Variants in DIAPH3 observed in about 807,000 individuals in gnomAD.
DIAPH3 encodes diaphanous related formin 3, also known as protein diaphanous homolog 3.
Under a neutral mutation model 144.3 loss-of-function variants are expected in DIAPH3, and 117 were observed. The ratio of observed to expected loss-of-function variants is 0.81; its 90% CI spans 0.70 to 0.95. The LOEUF is 0.95. Among genes scored for constraint, DIAPH3 ranks in the 40% least tolerant of loss-of-function variants. The pLI, the probability that DIAPH3 is intolerant of heterozygous loss-of-function variation, is 0.00. For synonymous variants in DIAPH3, 519 were observed against 488.9 expected (o/e 1.06, Z -0.81); for missense variants, 1,421 against 1,412.7 (o/e 1.01, Z -0.09).
At chr13:60,152,227 T>C (rs1951820711) in intron 1 of DIAPH3, among the ~76,000 whole-genome samples, 1 of 152,102 alleles carries the variant, frequency 6.6e-6, no homozygotes, top group South Asian at 2.1e-4. Context: ...TTCAAGAAAT[T>C]CTACACCATA....
intron 3 of DIAPH3, among the ~76,000 whole-genome samples, chr13:60,111,239 A>G (rs2058559484): frequency 6.6e-6 from 1 of 152,206 alleles, no homozygotes; most frequent in Non-Finnish European, 1.5e-5. Flanking sequence ...GGCTAACCAG[A>G]AAAAGGTTAG....
chr13:59,797,132 A>G lies in DIAPH3; in HGVS notation c.3163+13656T>C, dbSNP rs563830004. ...TGTCAATAGTTTTAGTAAATGAAAA[A>G]AAAACACCCTATGTAAAATGTCACT... On this transcript the variant is annotated intron_variant, in intron 25 of 27. Transcript: ENST00000400324. Among the ~76,000 whole-genome samples, 8 of 152,320 alleles carry G rather than the reference A, an allele frequency of 5.3e-5. No homozygotes were observed. The East Asian group carries it at 1.3e-3, about 26-fold the overall frequency.
intron 9 of DIAPH3, among the ~76,000 whole-genome samples, chr13:59,993,443 A>T (rs2051970543): frequency 1.3e-5 from 2 of 151,736 alleles, no homozygotes; most frequent in African/African-American, 4.8e-5. Context: ...CTACTGATCA[A>T]TATGTTTAAC....
chr13:59,841,432 T>TA lies in DIAPH3; in HGVS notation c.2738-1985dup, dbSNP rs907860165. On this transcript the variant is annotated intron_variant, in intron 22 of 27. Transcript: ENST00000400324. ...AACAAGACTCTGTGCCTCCAAAAATTAAAAAAAAAAAATTAGCCAGCCATG... is the reference window on the plus strand; with the variant it reads ...AACAAGACTCTGTGCCTCCAAAAATTAAAAAAAAAAAAATTAGCCAGCCATG... Among the ~76,000 whole-genome samples the TA allele has an allele frequency of 9.4e-4, 137 of 145,268 alleles. No individual in the cohort carries two copies. In the Middle Eastern group the frequency reaches 0.018, roughly 19 times the overall value.
chr13:60,163,464 A>T, intron 1 of DIAPH3, 123 bp downstream of exon 1: 3 of 1,336,284 alleles, frequency 2.2e-6, no homozygotes, highest in African/African-American at 1.5e-5. Flanking sequence ...TCAATCTATG[A>T]TCTTTGGCAC....
intron 21 of DIAPH3, among the ~76,000 whole-genome samples, chr13:59,866,647 T>C (rs2043942209): frequency 6.6e-6 from 1 of 152,220 alleles, no homozygotes; most frequent in East Asian, 1.9e-4. Flanking sequence ...AGCAACTCTT[T>C]ATATATTTCT....
At chr13:59,797,816 A>C (rs918093772) in intron 25 of DIAPH3, among the ~76,000 whole-genome samples, 1 of 152,144 alleles carries the variant, frequency 6.6e-6, no homozygotes, top group Non-Finnish European at 1.5e-5. Flanking sequence ...TGAGCTAAAC[A>C]TGGTTTATTT....
intron 27 of DIAPH3, among the ~76,000 whole-genome samples, chr13:59,668,844 T>TACAC (rs10640305): frequency 0.095 from 14,059 of 148,270 alleles, 821 homozygotes; most frequent in African/African-American, 0.17. Flanking sequence ...TATGTATGTA[T>TACAC]ACACACACAC....
chr13:59,813,299 G>T (rs190401077), intron 24 of DIAPH3, among the ~76,000 whole-genome samples: 1 of 151,732 alleles, frequency 6.6e-6, no homozygotes, highest in African/African-American at 2.4e-5. Context: ...ATATATAAAC[G>T]CTAGTTATTA....
At chr13:60,033,059 C>A (rs1401532144) in intron 5 of DIAPH3, among the ~76,000 whole-genome samples, 1 of 152,172 alleles carries the variant, frequency 6.6e-6, no homozygotes, top group Non-Finnish European at 1.5e-5. Context: ...AAAATGCAGC[C>A]AAATTCTTTG....
At chr13:59,762,050 A>ACCTTTTTTTTTTTTTTTTTTTTTTTT (rs1389648314) in intron 27 of DIAPH3, among the ~76,000 whole-genome samples, 4 of 119,006 alleles carry the variant, frequency 3.4e-5, no homozygotes, top group Middle Eastern at 4.6e-3. Flanking sequence ...AAGCGTCAGC[A>ACCTTTTTTTTTTTTTTTTTTTTTTTT]TCTTTTTTTT....
intron 25 of DIAPH3, among the ~76,000 whole-genome samples, chr13:59,781,365 G>A (rs753704325): frequency 3.3e-5 from 5 of 152,190 alleles, no homozygotes; most frequent in South Asian, 2.1e-4. Context: ...ACATGCAAGT[G>A]TCTATACATG....
At chr13:60,111,244 G>A (rs1436963201) in intron 3 of DIAPH3, among the ~76,000 whole-genome samples, 1 of 152,114 alleles carries the variant, frequency 6.6e-6, no homozygotes, top group Non-Finnish European at 1.5e-5. Context: ...ACCAGAAAAA[G>A]GTTAGGCATC....
chr13:59,908,726 G>T (rs1307249219), intron 20 of DIAPH3, among the ~76,000 whole-genome samples: 5 of 152,042 alleles, frequency 3.3e-5, no homozygotes, highest in African/African-American at 1.2e-4. Context: ...CTGGATAAAA[G>T]AAAACTTAAA....
At chr13:59,961,391 T>C (rs2049747465) in intron 17 of DIAPH3, among the ~76,000 whole-genome samples, 1 of 152,164 alleles carries the variant, frequency 6.6e-6, no homozygotes, top group South Asian at 2.1e-4. Flanking sequence ...GTCACACACT[T>C]GTAGGGTGGA....
At chr13:59,980,288 T>A (rs2050916644) in intron 14 of DIAPH3, among the ~76,000 whole-genome samples, 1 of 151,644 alleles carries the variant, frequency 6.6e-6, no homozygotes, top group Non-Finnish European at 1.5e-5. Context: ...AAAAGCAAGT[T>A]AACTTTTCTC....
At chr13:59,748,187 C>T (rs1455307899) in intron 27 of DIAPH3, among the ~76,000 whole-genome samples, 2 of 152,158 alleles carry the variant, frequency 1.3e-5, no homozygotes, top group African/African-American at 2.4e-5. Flanking sequence ...TAGAAAGCTT[C>T]TTGATATTAG....
chr13:59,818,678 G>C (rs1286789113), intron 24 of DIAPH3, among the ~76,000 whole-genome samples: 6 of 151,734 alleles, frequency 4.0e-5, no homozygotes, highest in Non-Finnish European at 8.9e-5. Flanking sequence ...CAAGTGGTAG[G>C]CCTTGTCATC....
chr13:59,817,774 C>T (rs1276309184), intron 24 of DIAPH3, among the ~76,000 whole-genome samples: 3 of 151,596 alleles, frequency 2.0e-5, no homozygotes, highest in Non-Finnish European at 4.4e-5. Context: ...TATTTCTATC[C>T]TTTCACTGGT....
Sources: allele counts gnomAD v4.1 joint callset (sites outside exome capture counted in the v4.1 genomes callset), GRCh38; gene constraint gnomAD v4.1.1; transcripts MANE v1.5; gene names NCBI Gene and HGNC (gene_info 2026-07-23, HGNC 2026-07-21).